CLIP1: variants seen among roughly 807,000 people sequenced by gnomAD.
CLIP1 encodes the protein CAP-Gly domain containing linker protein 1, also known as CAP-Gly domain-containing linker protein 1.
Under a neutral mutation model 161.6 loss-of-function variants are expected in CLIP1, and 66 were observed. The observed-to-expected ratio is 0.41, with a 90% confidence interval of 0.33 to 0.50. The LOEUF (loss-of-function observed/expected upper bound fraction) is 0.50, where lower values mean the gene tolerates loss of function less well. Ranked by LOEUF, CLIP1 falls within the 20% of genes least tolerant of loss-of-function variation. CLIP1 has a pLI of 0.27. For synonymous variants in CLIP1, 598 were observed against 626.2 expected, an observed-to-expected ratio of 0.96 and a Z score of 0.67; for missense variants, 1,376 against 1,702.0, an observed-to-expected ratio of 0.81 and a Z score of 3.37.
At chr12:122,294,284 G>A (rs1950379319) in intron 20 of CLIP1, among the ~76,000 whole-genome samples, 2 of 144,186 alleles carry the variant, frequency 1.4e-5, no homozygotes, top group South Asian at 2.2e-4. Context: ...AGCTGAGATG[G>A]CGCCACTGCA....
chr12:122,377,792 C>T lies in CLIP1; in HGVS notation c.254G>A (p.Gly85Asp). 1 of 1,614,022 alleles carries T rather than the reference C, an allele frequency of 6.2e-7. No individual in the cohort carries two copies. Among genetic ancestry groups the T allele is most frequent in the Middle Eastern group, 1.6e-4 (1 of 6,062 alleles). ...QFLGETQFAP[G>D]QWAGIVLDEP... ...ATCTAAAACAATTCCAGCCCACTGG[C>T]CTGGTGCAAACTGGGTTTCTCCAAG... The change falls in exon 3 of 26, where the codon GGC becomes GAC. Residue 85 changes from glycine (G) to aspartate (D), a missense_variant. Physicochemically the swap from Gly to Asp is moderately conservative, Grantham distance 94. This residue lies in a region of CLIP1 where 27 missense variants were observed against 64.1 expected (regional missense o/e 0.42). Coordinates refer to ENST00000620786, the MANE Select transcript of CLIP1 (RefSeq NM_001247997.2).
At chr12:122,410,990 G>A (rs1956509640) in intron 1 of CLIP1, among the ~76,000 whole-genome samples, 1 of 152,168 alleles carries the variant, frequency 6.6e-6, no homozygotes, top group Admixed American at 6.6e-5. Context: ...CTCATTCATT[G>A]CTGGTGGTAC....
chr12:122,288,181 T>C (rs992121983), intron 21 of CLIP1, among the ~76,000 whole-genome samples: 4 of 152,106 alleles, frequency 2.6e-5, no homozygotes, highest in African/African-American at 9.7e-5. Flanking sequence ...TACAGGCACC[T>C]GCCACTATGC....
chr12:122,367,876 G>C (rs1322368246), intron 3 of CLIP1, among the ~76,000 whole-genome samples: 1 of 152,098 alleles, frequency 6.6e-6, no homozygotes, highest in Non-Finnish European at 1.5e-5. Context: ...AAATTAGCCA[G>C]GCATGGTGGC....
At chr12:122,331,038 G>A (rs1206190781) in intron 15 of CLIP1, among the ~76,000 whole-genome samples, 1 of 151,142 alleles carries the variant, frequency 6.6e-6, no homozygotes, top group Admixed American at 6.6e-5. Flanking sequence ...TTTTGAGACG[G>A]AGTTTCACTC....
chr12:122,274,010 G>A (rs1462611318), intron 25 of CLIP1, 28 bp downstream of exon 25: 1 of 1,608,196 alleles, frequency 6.2e-7, no homozygotes, highest in East Asian at 2.2e-5. Context: ...TGGGATTATA[G>A]CAATCAGTAT....
At chr12:122,360,916 C>A (rs745597789) in intron 5 of CLIP1, 43 bp downstream of exon 5, 6 of 1,536,430 alleles carry the variant, frequency 3.9e-6, no homozygotes, top group Non-Finnish European at 4.4e-6. Context: ...GGGCCTTAAT[C>A]CTGCCTGGGA....
intron 24 of CLIP1, chr12:122,275,632 A>ACACACACATG (rs1955382839): frequency 1.9e-5 from 2 of 106,786 alleles, no homozygotes; most frequent in Non-Finnish European, 3.8e-5. Context: ...AAATACACAC[A>ACACACACATG]CACACACACG....
chr12:122,283,753 A>C (rs1312866331), intron 21 of CLIP1, among the ~76,000 whole-genome samples: 2 of 152,232 alleles, frequency 1.3e-5, no homozygotes, highest in East Asian at 1.9e-4. Context: ...GCCGGATTCT[A>C]ATTTCTTCAT....
intron 19 of CLIP1, among the ~76,000 whole-genome samples, chr12:122,310,112 C>T (rs2136510141): frequency 6.6e-6 from 1 of 152,190 alleles, no homozygotes; most frequent in African/African-American, 2.4e-5. Flanking sequence ...CCTAATAAAC[C>T]CTATGCCCAC....
chr12:122,361,694 C>T (rs531232640), intron 4 of CLIP1, among the ~76,000 whole-genome samples: 18 of 152,186 alleles, frequency 1.2e-4, no homozygotes, highest in Non-Finnish European at 1.6e-4. Flanking sequence ...GGACAGACCC[C>T]GTCTCTACAA....
At chr12:122,415,962 T>G (rs1159943661) in intron 1 of CLIP1, among the ~76,000 whole-genome samples, 1 of 151,660 alleles carries the variant, frequency 6.6e-6, no homozygotes, top group Non-Finnish European at 1.5e-5. Flanking sequence ...ATCCTGGGCC[T>G]GGCACGGTGG....
chr12:122,320,518 G>C (rs920206857), intron 17 of CLIP1, among the ~76,000 whole-genome samples: 4 of 151,954 alleles, frequency 2.6e-5, no homozygotes, highest in African/African-American at 9.7e-5. Flanking sequence ...GAGGCAGGCA[G>C]ATCACAAGGT....
chr12:122,304,150 G>A (rs78777112), intron 20 of CLIP1, among the ~76,000 whole-genome samples: 57 of 152,230 alleles, frequency 3.7e-4, no homozygotes, highest in African/African-American at 1.3e-3. Context: ...TGGTGCAAAG[G>A]GGCATTGAGC....
intron 1 of CLIP1, among the ~76,000 whole-genome samples, chr12:122,409,209 A>G (rs1332923543): frequency 1.3e-5 from 2 of 150,994 alleles, no homozygotes; most frequent in African/African-American, 2.4e-5. Flanking sequence ...CACTGCAACC[A>G]CTGCCACCCA....
intron 15 of CLIP1, among the ~76,000 whole-genome samples, chr12:122,332,250 G>A (rs914883529): frequency 1.2e-4 from 17 of 145,330 alleles, no homozygotes; most frequent in South Asian, 2.2e-4. Context: ...AGCTGAGATC[G>A]CACCATTGCA....
Position 122,340,820 on chromosome 12 carries a change from T to G in CLIP1, c.2384A>C (p.Gln795Pro). 6.2e-7 allele frequency: 1 copy of G among 1,612,784 alleles called. No individual in the cohort carries two copies. Among genetic ancestry groups the G allele is most frequent in the Non-Finnish European group, 8.5e-7 (1 of 1,179,590 alleles). The change falls in exon 11 of 26, where the codon CAG becomes CCG. Residue 795 changes from glutamine (Q) to proline (P), a missense_variant. Physicochemically the swap from Gln to Pro is moderately conservative, Grantham distance 76. This residue lies in a region of CLIP1 where 948 missense variants were observed against 1,134.8 expected (regional missense o/e 0.84). Transcript: ENST00000620786. ...CTGTTTCTCAGCTGCCTCAAGCTGC[T>G]GTCTAAGTTTCTTCATTTCCGATTT... ...EGKSEMKKLR[Q>P]QLEAAEKQIK...
chr12:122,311,614 G>A lies in CLIP1; in HGVS notation c.3474-1732C>T, dbSNP rs1406542412. 3.3e-5 allele frequency among the ~76,000 whole-genome samples: 5 copies of A among 151,746 alleles called. No individual in the cohort carries two copies. Among genetic ancestry groups the A allele is most frequent in the African/African-American group, 7.3e-5 (3 of 41,300 alleles). Reference sequence around the variant, plus strand: ...CAATTTTTGTATTTTTAGTAGAGACGGGGTTTCATCATGTTGGCCAGGATG... The same window carrying A: ...CAATTTTTGTATTTTTAGTAGAGACAGGGTTTCATCATGTTGGCCAGGATG... On this transcript the variant is annotated intron_variant, in intron 19 of 25. Coordinates refer to ENST00000620786, the MANE Select transcript of CLIP1 (RefSeq NM_001247997.2). This position sits in a 1 kb window ranked among gnomAD's most constrained non-coding sequence, Gnocchi z 4.3.
chr12:122,407,985 A>G (rs1956392772), intron 1 of CLIP1, among the ~76,000 whole-genome samples: 2 of 151,914 alleles, frequency 1.3e-5, no homozygotes, highest in African/African-American at 4.8e-5. Flanking sequence ...CTTGCCTGTA[A>G]TGCCAGCACT....
Sources: allele counts gnomAD v4.1 joint callset (sites outside exome capture counted in the v4.1 genomes callset), GRCh38; gene constraint gnomAD v4.1.1; regional missense constraint gnomAD v4.1.1; non-coding constraint Gnocchi (gnomAD v3.1); transcripts MANE v1.5; gene names NCBI Gene and HGNC (gene_info 2026-07-23, HGNC 2026-07-21).